SLC35F3: variants seen among roughly 807,000 people sequenced by gnomAD.
The protein encoded by SLC35F3 is solute carrier family 35 member F3.
Under a neutral mutation model 49.9 loss-of-function variants are expected in SLC35F3, and 25 were observed. The observed-to-expected ratio is 0.50, with a 90% CI of 0.37 to 0.70. The LOEUF (loss-of-function observed/expected upper bound fraction) is 0.70, where lower values mean the gene tolerates loss of function less well. Among genes scored for constraint, SLC35F3 ranks in the 30% least tolerant of loss-of-function variants. The probability of loss-of-function intolerance (pLI) is 0.00; values close to 1 mark genes in which losing one functional copy is unlikely to be tolerated. For missense variants in SLC35F3, 525 were observed against 639.8 expected (o/e 0.82, Z 1.94); for synonymous variants, 275 against 265.4 (o/e 1.04, Z -0.35).
intron 2 of SLC35F3, among the ~76,000 whole-genome samples, chr1:234,129,676 A>G (rs1477384866): frequency 6.6e-6 from 1 of 152,238 alleles, no homozygotes; most frequent in Non-Finnish European, 1.5e-5. Context: ...AAAATTATAA[A>G]TTTACGCTAA....
chr1:234,187,172 C>A (rs1572086606), intron 2 of SLC35F3, among the ~76,000 whole-genome samples: 1 of 152,172 alleles, frequency 6.6e-6, no homozygotes, highest in African/African-American at 2.4e-5. Flanking sequence ...CTGCTGCCTG[C>A]CAGCCCCAGG....
chr1:234,126,289 C>T (rs1665645988), intron 2 of SLC35F3, among the ~76,000 whole-genome samples: 1 of 152,174 alleles, frequency 6.6e-6, no homozygotes, highest in Non-Finnish European at 1.5e-5. Flanking sequence ...CCCTACTCAT[C>T]TTTTGTTTTA....
intron 2 of SLC35F3, among the ~76,000 whole-genome samples, chr1:233,935,474 G>A (rs1162099720): frequency 6.6e-6 from 1 of 152,080 alleles, no homozygotes; most frequent in African/African-American, 2.4e-5. Flanking sequence ...TCCTCAAAGT[G>A]AGCTGAAGTT....
intron 2 of SLC35F3, among the ~76,000 whole-genome samples, chr1:233,949,673 T>A (rs890656189): frequency 2.0e-5 from 3 of 152,176 alleles, no homozygotes; most frequent in Admixed American, 1.3e-4. Flanking sequence ...TCACTGGGGC[T>A]TGTCATGTTA....
chr1:234,162,022 G>T (rs1248136936), intron 2 of SLC35F3, among the ~76,000 whole-genome samples: 1 of 152,036 alleles, frequency 6.6e-6, no homozygotes, highest in Non-Finnish European at 1.5e-5. Flanking sequence ...CTGCCACCCA[G>T]GTCTAATCGA....
intron 2 of SLC35F3, among the ~76,000 whole-genome samples, chr1:234,008,973 T>C (rs1398299386): frequency 1.3e-5 from 2 of 152,348 alleles, no homozygotes; most frequent in South Asian, 2.1e-4. Context: ...ACCTCATTTT[T>C]TGGATATCAT....
intron 2 of SLC35F3, among the ~76,000 whole-genome samples, chr1:234,198,031 T>C (rs554854533): frequency 5.3e-5 from 8 of 152,340 alleles, no homozygotes; most frequent in African/African-American, 1.4e-4. Flanking sequence ...TCACCTGTGA[T>C]ATGCTGTAAA....
At chr1:234,279,040 T>C (rs1471410704) in intron 3 of SLC35F3, among the ~76,000 whole-genome samples, 1 of 152,166 alleles carries the variant, frequency 6.6e-6, no homozygotes, top group East Asian at 1.9e-4. Flanking sequence ...CCCAAGGTGG[T>C]CCGAGCACAG....
At chr1:234,163,108 T>C (rs533416536) in intron 2 of SLC35F3, among the ~76,000 whole-genome samples, 20 of 152,354 alleles carry the variant, frequency 1.3e-4, no homozygotes, top group African/African-American at 4.8e-4. Flanking sequence ...TCCCTCTCCC[T>C]TGAAGGTTGC....
At chr1:234,201,231 G>A (rs949174681) in intron 2 of SLC35F3, among the ~76,000 whole-genome samples, 10 of 152,220 alleles carry the variant, frequency 6.6e-5, no homozygotes, top group East Asian at 1.9e-4. Flanking sequence ...AATATGTAAT[G>A]TGCTTGGATG....
intron 2 of SLC35F3, among the ~76,000 whole-genome samples, chr1:233,971,087 T>G (rs1317871178): frequency 6.6e-6 from 1 of 152,232 alleles, no homozygotes; most frequent in African/African-American, 2.4e-5. Flanking sequence ...TCCCTTCTGA[T>G]CACAGGCACC....
At chr1:234,205,864 G>GATAGCAGA (rs1666962078) in intron 2 of SLC35F3, among the ~76,000 whole-genome samples, 4 of 152,302 alleles carry the variant, frequency 2.6e-5, no homozygotes, top group Admixed American at 2.6e-4. Flanking sequence ...CACTCCCCAA[G>GATAGCAGA]AGGCTCCTCT....
intron 2 of SLC35F3, among the ~76,000 whole-genome samples, chr1:234,083,998 C>T (rs184253392): frequency 1.5e-4 from 23 of 151,930 alleles, no homozygotes; most frequent in East Asian, 3.9e-4. Flanking sequence ...TCACCATGCC[C>T]GGCTAATTTT....
chr1:234,176,556 T>A (rs1044104511), intron 2 of SLC35F3, among the ~76,000 whole-genome samples: 49 of 152,138 alleles, frequency 3.2e-4, no homozygotes, highest in African/African-American at 1.0e-3. Flanking sequence ...TCTATCAGAA[T>A]CAATTGGGAA....
chr1:234,122,735 G>T (rs1433930044), intron 2 of SLC35F3, among the ~76,000 whole-genome samples: 1 of 152,142 alleles, frequency 6.6e-6, no homozygotes, highest in Non-Finnish European at 1.5e-5. Flanking sequence ...CTGTTCCTGT[G>T]TTAGTCTGCT....
chr1:234,214,524 C>T lies in SLC35F3; in HGVS notation c.284-16893C>T. ...ATGAAGAAGCACTCGGCCCGGGTGG[C>T]CCCGCTCAGCGCCTGCAACAGTCCG... On this transcript the variant is annotated intron_variant, in intron 2 of 7. Coordinates refer to ENST00000366618, the MANE Select transcript of SLC35F3 (RefSeq NM_173508.4). The surrounding 1 kb of genome is among the most constrained non-coding windows in gnomAD (Gnocchi z 8.0). 1 of 1,553,882 alleles carries T rather than the reference C, an allele frequency of 6.4e-7. No individual in the cohort carries two copies. Among genetic ancestry groups the T allele is most frequent in the Non-Finnish European group, 8.7e-7 (1 of 1,152,356 alleles).
chr1:233,930,813 A>G (rs539033463), intron 2 of SLC35F3, among the ~76,000 whole-genome samples: 4 of 152,354 alleles, frequency 2.6e-5, no homozygotes, highest in Admixed American at 1.3e-4. Context: ...TATATTTACT[A>G]TTCATTAAAT....
chr1:234,023,569 C>T (rs1477769585), intron 2 of SLC35F3, among the ~76,000 whole-genome samples: 1 of 152,094 alleles, frequency 6.6e-6, no homozygotes, highest in South Asian at 2.1e-4. Context: ...TAGATAGACA[C>T]TCCACTCTCA....
intron 2 of SLC35F3, among the ~76,000 whole-genome samples, chr1:233,938,801 A>G (rs1662375856): frequency 6.6e-6 from 1 of 152,164 alleles, no homozygotes; most frequent in African/African-American, 2.4e-5. Flanking sequence ...GAACTGAATG[A>G]TCGGAAAGGA....
Sources: allele counts gnomAD v4.1 joint callset (sites outside exome capture counted in the v4.1 genomes callset), GRCh38; gene constraint gnomAD v4.1.1; non-coding constraint Gnocchi (gnomAD v3.1); transcripts MANE v1.5; gene names NCBI Gene and HGNC (gene_info 2026-07-23, HGNC 2026-07-21).